The following EPB41L4B variants were observed in gnomAD, a reference collection of about 807,000 sequenced individuals.
The protein encoded by EPB41L4B is band 4.1-like protein 4B.
In EPB41L4B, 30 loss-of-function variants were observed where a neutral mutation model predicts 112.5. The observed-to-expected ratio is 0.27, with a 90% CI of 0.20 to 0.36. EPB41L4B has a LOEUF of 0.36. EPB41L4B is among the 10% of genes least tolerant of loss of function. EPB41L4B has a pLI of 1.00. For missense variants in EPB41L4B, 1,024 were observed against 1,133.3 expected (o/e 0.90, Z 1.38); for synonymous variants, 408 against 439.7 (o/e 0.93, Z 0.90).
rs890163546 is a variant in EPB41L4B at position 109,320,818 on chromosome 9, T to TGCGGGCTGCTCCCGCGCC, written c.-390_-373dup. 3.5e-5 allele frequency: 5 copies of TGCGGGCTGCTCCCGCGCC among 144,194 alleles called. No individual in the cohort carries two copies. The highest frequency in any genetic ancestry group is 7.7e-5 in the Non-Finnish European group (5 of 65,116). The allele number at this position is 144,194 out of a possible 1,614,324, so 8.9% of individuals were successfully genotyped here. A position where few individuals can be genotyped will look rare whatever the true frequency, so the allele number is the denominator to read the frequency against. ...GCTGCCGGGGGCGCGGGAGGCGGGC[T>TGCGGGCTGCTCCCGCGCC]GCGGGCTGCTCCCGCGCCGCGCGCC... On this transcript the variant is annotated 5_prime_UTR_variant, in exon 1 of 26. Coordinates refer to ENST00000374566, the MANE Select transcript of EPB41L4B (RefSeq NM_019114.5).
chr9:109,257,133 A>C lies in EPB41L4B; in HGVS notation c.753-653T>G, dbSNP rs568654947. Among the ~76,000 whole-genome samples the C allele has an allele frequency of 1.1e-4, 17 of 152,326 alleles. No individual in the cohort carries two copies. The East Asian group carries it at 3.3e-3, about 29-fold the overall frequency. ...GGGTGTGCCATACCCGCAGACATTT[A>C]CGTTGTTTCAGTGTTACACAATGAG... is the stretch of plus-strand genomic sequence containing the variant. On this transcript the variant is annotated intron_variant, in intron 7 of 25. Coordinates refer to ENST00000374566, the MANE Select transcript of EPB41L4B (RefSeq NM_019114.5).
At chr9:109,294,166 G>A (rs150134849) in intron 1 of EPB41L4B, among the ~76,000 whole-genome samples, 5 of 152,108 alleles carry the variant, frequency 3.3e-5, no homozygotes, top group African/African-American at 7.2e-5. Context: ...ATTAGCAGGC[G>A]TGGTGGTGGG....
chr9:109,212,663 G>A (rs1048755620), intron 17 of EPB41L4B, among the ~76,000 whole-genome samples: 11 of 152,140 alleles, frequency 7.2e-5, no homozygotes, highest in Non-Finnish European at 1.6e-4. Flanking sequence ...CTCATAAAGG[G>A]ACAAAGCTAA....
chr9:109,274,345 C>T (rs1835735211), intron 2 of EPB41L4B, among the ~76,000 whole-genome samples: 1 of 152,160 alleles, frequency 6.6e-6, no homozygotes. Flanking sequence ...CCCTCCTCTG[C>T]CTGGCAAACT....
At chr9:109,244,434 CTTTTTTTTT>C (rs573807379) in intron 14 of EPB41L4B, among the ~76,000 whole-genome samples, 612 of 48,510 alleles carry the variant, frequency 0.013, no homozygotes, top group Middle Eastern at 0.04. Context: ...TGAAGGTTGT[CTTTTTTTTT>C]TTTTTTTTTT....
chr9:109,284,564 C>T (rs1331933256), intron 1 of EPB41L4B, among the ~76,000 whole-genome samples: 1 of 152,158 alleles, frequency 6.6e-6, no homozygotes, highest in Non-Finnish European at 1.5e-5. Context: ...GGGCACACCC[C>T]ACCACACTGG....
rs979483598 is a variant in EPB41L4B, at chr9:109,320,538, C to T, written c.-92G>A. ...CGCCGCCCGGGAGCGTCCCGCGACG[C>T]CGTCAGTGCCCTCGGCCGCCCGCGC... On this transcript the variant is annotated 5_prime_UTR_variant, in exon 1 of 26. Transcript: ENST00000374566. 49 of 736,022 alleles carry T rather than the reference C, an allele frequency of 6.7e-5. No homozygotes were observed. In the African/African-American group the frequency reaches 9.5e-4, roughly 14 times the overall value. The allele number at this position is 736,022 out of a possible 1,614,324, so 45.6% of individuals were successfully genotyped here.
chr9:109,277,684 C>A (rs1206093271), intron 2 of EPB41L4B, among the ~76,000 whole-genome samples: 1 of 152,036 alleles, frequency 6.6e-6, no homozygotes, highest in Non-Finnish European at 1.5e-5. Context: ...GGGACAGTCA[C>A]GGGGGCAGGA....
chr9:109,285,052 T>A (rs1036173089), intron 1 of EPB41L4B, among the ~76,000 whole-genome samples: 1 of 152,164 alleles, frequency 6.6e-6, no homozygotes, highest in Non-Finnish European at 1.5e-5. Context: ...CCCAAATCCA[T>A]ATCGCCAACC....
intron 1 of EPB41L4B, among the ~76,000 whole-genome samples, chr9:109,283,759 G>T (rs987696827): frequency 6.6e-6 from 1 of 151,934 alleles, no homozygotes. Flanking sequence ...TCCTTATGAC[G>T]GGATTACATC....
chr9:109,244,794 C>A (rs925021367), intron 14 of EPB41L4B, among the ~76,000 whole-genome samples: 1 of 152,156 alleles, frequency 6.6e-6, no homozygotes, highest in African/African-American at 2.4e-5. Context: ...GCAAATTAGG[C>A]CCTCCTGACA....
chr9:109,215,500 G>A (rs1347270449), intron 16 of EPB41L4B, among the ~76,000 whole-genome samples: 1 of 151,958 alleles, frequency 6.6e-6, no homozygotes, highest in Non-Finnish European at 1.5e-5. Context: ...GGTTGGTCTC[G>A]AACTCTTGAC....
chr9:109,176,179 G>A (rs976982146), intron 25 of EPB41L4B, among the ~76,000 whole-genome samples: 1 of 151,514 alleles, frequency 6.6e-6, no homozygotes, highest in Non-Finnish European at 1.5e-5. Flanking sequence ...CCAGGCTGGA[G>A]TGCAGTGGTG....
intron 3 of EPB41L4B, 38 bp from the exon 4 acceptor site, chr9:109,267,589 C>A: frequency 7.1e-7 from 1 of 1,407,674 alleles, no homozygotes; most frequent in East Asian, 2.3e-5. Flanking sequence ...GATGTTTTTC[C>A]CCCAGTTTTG....
intron 1 of EPB41L4B, among the ~76,000 whole-genome samples, chr9:109,304,440 G>A (rs1445274479): frequency 3.3e-5 from 5 of 152,178 alleles, no homozygotes; most frequent in Non-Finnish European, 7.3e-5. Context: ...CTGCAGTCCC[G>A]AGGGGCACCT....
At chr9:109,299,135 T>C (rs1836857247) in intron 1 of EPB41L4B, among the ~76,000 whole-genome samples, 1 of 152,250 alleles carries the variant, frequency 6.6e-6, no homozygotes, top group Non-Finnish European at 1.5e-5. Flanking sequence ...TACACAGGTC[T>C]AGCCAACTGC....
chr9:109,263,486 C>T (rs1027933268), intron 5 of EPB41L4B, among the ~76,000 whole-genome samples: 1 of 152,182 alleles, frequency 6.6e-6, no homozygotes, highest in Non-Finnish European at 1.5e-5. Context: ...GCCTTCAAAT[C>T]TTTCTTGAAA....
chr9:109,251,681 A>G lies in EPB41L4B; in HGVS notation c.1280-170T>C, dbSNP rs181262050. 3.9e-5 allele frequency among the ~76,000 whole-genome samples: 6 copies of G among 152,006 alleles called. No homozygotes were observed. The East Asian group carries it at 1.2e-3, about 29-fold the overall frequency. On this transcript the variant is annotated intron_variant, in intron 12 of 25. Coordinates refer to ENST00000374566, the MANE Select transcript of EPB41L4B (RefSeq NM_019114.5). Reference sequence around the variant, plus strand: ...CTCCTTTCCTCAGGGAGAGTAAACTACCCCTCCCTCTGATTCACTCAGCAA... The same window carrying G: ...CTCCTTTCCTCAGGGAGAGTAAACTGCCCCTCCCTCTGATTCACTCAGCAA...
chr9:109,255,621 G>A lies in EPB41L4B; in HGVS notation c.1059C>T (p.His353=). ...FRLDSARTCK[H]LWKCAVEHHA... is the part of the protein sequence containing the mutation. ...GGTGCTCAACTGCACACTTCCAAAGGTGTTTGCAGGTCCTGGCACTGTCTA... is the reference window on the plus strand; with the variant it reads ...GGTGCTCAACTGCACACTTCCAAAGATGTTTGCAGGTCCTGGCACTGTCTA... Residue 353 remains histidine (H), a synonymous_variant, in exon 11 of 26, where the codon CAC becomes CAT. Transcript: ENST00000374566. 2 of 1,614,142 alleles carry A rather than the reference G, an allele frequency of 1.2e-6. No individual in the cohort carries two copies. The highest frequency in any genetic ancestry group is 1.7e-6 in the Non-Finnish European group (2 of 1,180,026).
Sources: gnomAD v4.1 joint callset for allele counts (sites outside exome capture counted in the v4.1 genomes callset) on GRCh38, gnomAD v4.1.1 for gene constraint, MANE v1.5 for transcripts, NCBI Gene and HGNC (gene_info 2026-07-23, HGNC 2026-07-21) for gene names.